NDRG3: variants seen among roughly 807,000 people sequenced by gnomAD.
The protein encoded by NDRG3 is NDRG family member 3.
A neutral mutation model predicts 57.2 loss-of-function variants in NDRG3; 23 were observed. The ratio of observed to expected loss-of-function variants is 0.40; its 90% CI spans 0.29 to 0.57. The LOEUF is 0.57. Ranked by LOEUF, NDRG3 falls within the 20% of genes least tolerant of loss-of-function variation. NDRG3 has a pLI of 0.42. For missense variants in NDRG3, 384 were observed against 457.3 expected (o/e 0.84, Z 1.46); for synonymous variants, 132 against 162.6 (o/e 0.81, Z 1.43).
rs1431736407 is a variant in NDRG3, at chr20:36,665,286, C to T, written c.708G>A (p.Glu236=). The part of the protein sequence containing the change: ...LNSYNGRRDL[E]IERPILGQND... ...TTTGGCCCAGTATGGGTCTTTCGAT[C>T]TCCAGGTCTCTGCGTCTAGAAAAAC... The change falls in exon 11 of 16, where the codon GAG becomes GAA. Residue 236 remains glutamate (E), a synonymous_variant. Transcript: ENST00000349004. 6.2e-7 allele frequency: 1 copy of T among 1,614,170 alleles called. No individual in the cohort carries two copies. Among genetic ancestry groups the T allele is most frequent in the Non-Finnish European group, 8.5e-7 (1 of 1,180,000 alleles).
intron 3 of NDRG3, among the ~76,000 whole-genome samples, chr20:36,702,379 G>A (rs898204462): frequency 6.6e-6 from 1 of 151,974 alleles, no homozygotes; most frequent in Admixed American, 6.6e-5. Context: ...CTCATGATCC[G>A]CCCACCTCGG....
Position 36,673,286 on chromosome 20 carries a change from T to C in NDRG3, c.532-1889A>G, listed in dbSNP as rs1458145537. On this transcript the variant is annotated intron_variant, in intron 8 of 15. Coordinates refer to ENST00000349004, the MANE Select transcript of NDRG3 (RefSeq NM_032013.4). Reference sequence around the variant, plus strand: ...TCCAAAATGTAAACATAGGAAGAGATGGATAAATGATTTAGAATCTAGTTT... The same window carrying C: ...TCCAAAATGTAAACATAGGAAGAGACGGATAAATGATTTAGAATCTAGTTT... Among the ~76,000 whole-genome samples the C allele has an allele frequency of 2.6e-5, 4 of 152,192 alleles. No homozygotes were observed. In the East Asian group the frequency reaches 7.7e-4, roughly 29 times the overall value.
chr20:36,733,305 C>T (rs543733590), intron 1 of NDRG3, among the ~76,000 whole-genome samples: 1 of 151,210 alleles, frequency 6.6e-6, no homozygotes, highest in Non-Finnish European at 1.5e-5. Context: ...AGCTTTTTCC[C>T]ATGACCAAGT....
At chr20:36,666,474 A>G (rs1979644300) in intron 9 of NDRG3, 82 bp from the exon 10 acceptor site, 1 of 1,029,326 alleles carries the variant, frequency 9.7e-7, no homozygotes, top group African/African-American at 1.6e-5. Flanking sequence ...TTTCATTACC[A>G]CAAGCCAAAT....
chr20:36,686,037 T>C (rs1981760072), intron 5 of NDRG3, among the ~76,000 whole-genome samples: 1 of 152,018 alleles, frequency 6.6e-6, no homozygotes, highest in South Asian at 2.1e-4. Flanking sequence ...TATTACAGAA[T>C]TGGAGATGGA....
chr20:36,695,170 T>C (rs1982669017), intron 3 of NDRG3, among the ~76,000 whole-genome samples: 1 of 152,152 alleles, frequency 6.6e-6, no homozygotes, highest in Non-Finnish European at 1.5e-5. Flanking sequence ...TCAATACTCA[T>C]AATTTCCTAT....
intron 13 of NDRG3, among the ~76,000 whole-genome samples, chr20:36,657,252 C>T (rs576500493): frequency 4.0e-5 from 6 of 151,510 alleles, no homozygotes; most frequent in South Asian, 2.1e-4. Context: ...CTTGGGAGGC[C>T]GAGGTCGGGG....
chr20:36,656,490 T>C lies in NDRG3; in HGVS notation c.894+7A>G, dbSNP rs200474721. ...TTAAATGGGTGTTTAAAAAAAATTC[T>C]CCTTACCTGAACTACCTGGGGCAGT... is the stretch of plus-strand genomic sequence containing the variant. On this transcript the variant is annotated splice_region_variant and intron_variant, in intron 14 of 15. Transcript: ENST00000349004. The C allele has an allele frequency of 1.3e-3, 2,116 of 1,614,098 alleles. 24 individuals are homozygous for C. Among genetic ancestry groups the C allele is most frequent in the Middle Eastern group, 1.2e-3 (7 of 6,062 alleles).
rs1306814723 is a variant in NDRG3, at chr20:36,653,692, G to A, written c.956C>T (p.Ala319Val). Reference protein sequence around the residue: ...FLQGMGYIPSASMTRLARSRT... With the variant: ...FLQGMGYIPSVSMTRLARSRT... ...TGATCGGGCGAGCCGAGTCATGCTGGCAGATGGTACTGTAACAGAGAACCA... is the reference window on the plus strand; with the variant it reads ...TGATCGGGCGAGCCGAGTCATGCTGACAGATGGTACTGTAACAGAGAACCA... Residue 319 changes from alanine to valine, a missense_variant, in exon 16 of 16, where the codon GCC becomes GTC. By Grantham distance (64) the Ala-to-Val change is moderately conservative (BLOSUM62 0). Transcript: ENST00000349004. The surrounding 1 kb of genome is among the most constrained non-coding windows in gnomAD (Gnocchi z 4.2). The A allele has an allele frequency of 6.2e-7, 1 of 1,613,308 alleles. No individual in the cohort carries two copies. Among genetic ancestry groups the A allele is most frequent in the Non-Finnish European group, 8.5e-7 (1 of 1,179,998 alleles).
intron 3 of NDRG3, among the ~76,000 whole-genome samples, chr20:36,694,393 C>T (rs554132001): frequency 1.6e-4 from 25 of 152,290 alleles, no homozygotes; most frequent in African/African-American, 5.5e-4. Context: ...AAGTGAAAAA[C>T]AGTCTTGAAT....
intron 5 of NDRG3, among the ~76,000 whole-genome samples, chr20:36,685,934 C>T (rs1205768486): frequency 6.6e-6 from 1 of 152,110 alleles, no homozygotes; most frequent in Non-Finnish European, 1.5e-5. Flanking sequence ...CACTTGAGCC[C>T]AGGAGGTTGA....
chr20:36,739,133 TCAAAAAAAAAAA>T lies in NDRG3; in HGVS notation c.-49+6900_-49+6911del, dbSNP rs1232975755. ...CTGGGTGACAAAACGAGACCCCATC[TCAAAAAAAAAAA>T]AAAAAAAAAAAAAAAAAAAAAGGCC... On this transcript the variant is annotated intron_variant, in intron 1 of 15. Coordinates refer to ENST00000349004, the MANE Select transcript of NDRG3 (RefSeq NM_032013.4). Among the ~76,000 whole-genome samples, 23 of 31,518 alleles carry T rather than the reference TCAAAAAAAAAAA, an allele frequency of 7.3e-4. No individual in the cohort carries two copies. In the East Asian group the frequency reaches 7.7e-3, roughly 10 times the overall value. 20.7% of individuals were successfully genotyped at this position (31,518 alleles called of 152,430 possible).
chr20:36,686,007 C>A (rs1451063541), intron 5 of NDRG3, among the ~76,000 whole-genome samples: 1 of 152,138 alleles, frequency 6.6e-6, no homozygotes, highest in African/African-American at 2.4e-5. Flanking sequence ...ACTATCCTAT[C>A]TCAAGAAAGA....
chr20:36,743,269 G>A (rs549578200), intron 1 of NDRG3, among the ~76,000 whole-genome samples: 104 of 152,210 alleles, frequency 6.8e-4, no homozygotes, highest in Middle Eastern at 6.8e-3. Context: ...AGAGGCAGGC[G>A]GATCACCTGA....
intron 1 of NDRG3, among the ~76,000 whole-genome samples, chr20:36,741,950 G>A (rs1490120819): frequency 2.6e-5 from 4 of 152,138 alleles, no homozygotes; most frequent in Non-Finnish European, 5.9e-5. Flanking sequence ...TTTACTGTCC[G>A]TTAAACATGG....
At chr20:36,722,520 A>C (rs1984654559) in intron 1 of NDRG3, among the ~76,000 whole-genome samples, 1 of 152,224 alleles carries the variant, frequency 6.6e-6, no homozygotes, top group African/African-American at 2.4e-5. Flanking sequence ...CTGAAGACGG[A>C]TAAAGAAACA....
intron 15 of NDRG3, 36 bp downstream of exon 15, chr20:36,656,324 A>C: frequency 1.2e-6 from 2 of 1,601,022 alleles, no homozygotes; most frequent in East Asian, 4.5e-5. Context: ...CAATATTCCT[A>C]AATCGTTGCT....
At position 36,711,268 on chromosome 20, in the gene NDRG3, G is replaced by A. The variant is rs6093311; in HGVS notation, c.58-4261C>T. The stretch of plus-strand genomic sequence containing the variant: ...CACTCCAGCCTGGGCGACAGTGCGA[G>A]ACTCCGTCTCAAAAAAAAAATAATA... On this transcript the variant is annotated intron_variant, in intron 2 of 15. Transcript: ENST00000349004. Among the ~76,000 whole-genome samples, 923 of 151,120 alleles carry A rather than the reference G, an allele frequency of 6.1e-3. 12 individuals are homozygous for A. The highest frequency in any genetic ancestry group is 0.021 in the African/African-American group (864 of 41,248).
At chr20:36,736,829 TC>T (rs924794945) in intron 1 of NDRG3, among the ~76,000 whole-genome samples, 9 of 152,048 alleles carry the variant, frequency 5.9e-5, no homozygotes, top group Non-Finnish European at 1.0e-4. Flanking sequence ...AGAGATGCTA[TC>T]CCCCCTATCT....
Sources: allele counts gnomAD v4.1 joint callset (sites outside exome capture counted in the v4.1 genomes callset), GRCh38; gene constraint gnomAD v4.1.1; non-coding constraint Gnocchi (gnomAD v3.1); transcripts MANE v1.5; gene names NCBI Gene and HGNC (gene_info 2026-07-23, HGNC 2026-07-21).